SYK: variants seen among roughly 807,000 people sequenced by gnomAD.
SYK encodes the protein spleen associated tyrosine kinase.
A neutral mutation model predicts 77.8 loss-of-function variants in SYK; 16 were observed. The ratio of observed to expected loss-of-function variants is 0.21; its 90% CI spans 0.14 to 0.31. The LOEUF is 0.31. Among genes scored for constraint, SYK ranks in the 10% least tolerant of loss-of-function variants. SYK has a pLI of 1.00. For missense variants in SYK, 529 were observed against 814.4 expected, an observed-to-expected ratio of 0.65 and a Z score of 4.26; for synonymous variants, 312 against 308.7, an observed-to-expected ratio of 1.01 and a Z score of -0.11.
At chr9:90,868,581 G>A (rs543599808) in intron 7 of SYK, among the ~76,000 whole-genome samples, 1 of 152,276 alleles carries the variant, frequency 6.6e-6, no homozygotes, top group East Asian at 1.9e-4. Flanking sequence ...TTATAGTAAA[G>A]CAAATATAAA....
In SYK at chr9:90,844,057, G is replaced by C; in HGVS notation, c.159G>C (p.Leu53=). Residue 53 remains leucine, a synonymous_variant, in exon 2 of 14, where the codon CTG becomes CTC. Transcript: ENST00000375754. The part of the protein sequence containing the change: ...QSRNYLGGFA[L]SVAHGRKAHH... ...GCAACTACCTGGGTGGCTTCGCCCTGTCCGTGGCCCACGGGAGGAAGGCAC... is the reference window on the plus strand; with the variant it reads ...GCAACTACCTGGGTGGCTTCGCCCTCTCCGTGGCCCACGGGAGGAAGGCAC... The C allele has an allele frequency of 6.2e-7, 1 of 1,612,760 alleles. No individual in the cohort carries two copies. The highest frequency in any genetic ancestry group is 8.5e-7 in the Non-Finnish European group (1 of 1,179,282).
rs140490837 is a variant in SYK, at chr9:90,844,045, T to A, written c.147T>A (p.Gly49=). Residue 49 remains glycine, a synonymous_variant, in exon 2 of 14, where the codon GGT becomes GGA. Transcript: ENST00000375754. ...YLLRQSRNYL[G]GFALSVAHGR... is the part of the protein sequence containing the mutation. Reference sequence around the variant, plus strand: ...TGCGCCAGAGCCGCAACTACCTGGGTGGCTTCGCCCTGTCCGTGGCCCACG... The same window carrying A: ...TGCGCCAGAGCCGCAACTACCTGGGAGGCTTCGCCCTGTCCGTGGCCCACG... The A allele has an allele frequency of 1.6e-5, 26 of 1,612,620 alleles. No individual in the cohort carries two copies. The highest frequency in any genetic ancestry group is 8.5e-7 in the Non-Finnish European group (1 of 1,179,296).
At chr9:90,860,799 T>C (rs931479324) in intron 3 of SYK, among the ~76,000 whole-genome samples, 4 of 152,154 alleles carry the variant, frequency 2.6e-5, no homozygotes, top group African/African-American at 4.8e-5. Context: ...AGCATGGCCA[T>C]GTCCAGTTCT....
chr9:90,865,170 A>G, intron 6 of SYK, 73 bp downstream of exon 6: 3 of 1,442,212 alleles, frequency 2.1e-6, no homozygotes, highest in Non-Finnish European at 2.9e-6. Flanking sequence ...TGTTTTAGCT[A>G]ACAGGAGTAG....
At chr9:90,828,028 ACATTTACTGTGTC>A (rs1825717836) in intron 1 of SYK, among the ~76,000 whole-genome samples, 1 of 152,132 alleles carries the variant, frequency 6.6e-6, no homozygotes, top group Non-Finnish European at 1.5e-5. Flanking sequence ...TTCTTAATCC[ACATTTACTGTGTC>A]CTTTTTGCTT....
At chr9:90,875,998 C>A (rs776407642) in intron 9 of SYK, among the ~76,000 whole-genome samples, 1 of 152,030 alleles carries the variant, frequency 6.6e-6, no homozygotes, top group Non-Finnish European at 1.5e-5. Context: ...GACATGCGTG[C>A]TTTCCGGCCG....
chr9:90,875,827 A>C (rs1265854210), intron 9 of SYK, among the ~76,000 whole-genome samples: 1 of 152,128 alleles, frequency 6.6e-6, no homozygotes, highest in East Asian at 1.9e-4. Context: ...AAGTCCTTTG[A>C]AATACACCCT....
chr9:90,890,647 T>TG (rs1237638222), intron 13 of SYK, among the ~76,000 whole-genome samples: 1 of 152,194 alleles, frequency 6.6e-6, no homozygotes, highest in East Asian at 1.9e-4. Context: ...AAGGAAATCA[T>TG]GACAATGGCC....
At chr9:90,826,372 G>C (rs1825666489) in intron 1 of SYK, among the ~76,000 whole-genome samples, 1 of 152,258 alleles carries the variant, frequency 6.6e-6, no homozygotes, top group African/African-American at 2.4e-5. Flanking sequence ...TAGCTGTTTT[G>C]CATTATCCTC....
intron 1 of SYK, among the ~76,000 whole-genome samples, chr9:90,842,350 G>A (rs1354676242): frequency 2.0e-5 from 3 of 150,002 alleles, no homozygotes; most frequent in African/African-American, 7.4e-5. Flanking sequence ...TGATGTGTGT[G>A]GTGTGTGGTG....
chr9:90,866,146 G>C (rs368660037), intron 6 of SYK, among the ~76,000 whole-genome samples: 26 of 152,202 alleles, frequency 1.7e-4, no homozygotes, highest in Middle Eastern at 6.8e-3. Flanking sequence ...TGATCTGCCC[G>C]CCTCGGCCTC....
chr9:90,851,962 A>G (rs1180647344), intron 3 of SYK, among the ~76,000 whole-genome samples: 1 of 152,206 alleles, frequency 6.6e-6, no homozygotes, highest in African/African-American at 2.4e-5. Flanking sequence ...GGTCAATACT[A>G]CAAGCATACA....
intron 1 of SYK, among the ~76,000 whole-genome samples, chr9:90,835,672 G>A (rs1374044690): frequency 1.3e-5 from 2 of 152,176 alleles, no homozygotes; most frequent in East Asian, 3.9e-4. Flanking sequence ...ACATTGGAGT[G>A]AGTTCCCTTC....
intron 7 of SYK, among the ~76,000 whole-genome samples, chr9:90,872,392 G>GA (rs1344275640): frequency 6.6e-6 from 1 of 152,188 alleles, no homozygotes; most frequent in Non-Finnish European, 1.5e-5. Context: ...TGCCTGCAGG[G>GA]AAAATCAAAG....
At chr9:90,880,602 G>A (rs143993317) in intron 11 of SYK, among the ~76,000 whole-genome samples, 10 of 152,298 alleles carry the variant, frequency 6.6e-5, no homozygotes, top group Non-Finnish European at 1.5e-4. Context: ...CTGAAACAAG[G>A]ACACAGAGGA....
At chr9:90,880,170 G>A (rs1313627017) in intron 11 of SYK, among the ~76,000 whole-genome samples, 3 of 152,208 alleles carry the variant, frequency 2.0e-5, no homozygotes, top group Non-Finnish European at 4.4e-5. Flanking sequence ...ACCCCACCCT[G>A]AGTGACAATA....
chr9:90,872,843 A>G (rs1424230448), intron 7 of SYK, among the ~76,000 whole-genome samples: 1 of 152,248 alleles, frequency 6.6e-6, no homozygotes. Flanking sequence ...TTCCGAGTGC[A>G]GTGAATAAAT....
At chr9:90,832,113 C>T (rs2118519473) in intron 1 of SYK, among the ~76,000 whole-genome samples, 1 of 152,190 alleles carries the variant, frequency 6.6e-6, no homozygotes, top group Non-Finnish European at 1.5e-5. Flanking sequence ...AAGTTGTAAC[C>T]AGAGGATCAC....
At position 90,898,100 on chromosome 9, in the gene SYK, G is replaced by A; in HGVS notation, c.*2500G>A. On this transcript the variant is annotated 3_prime_UTR_variant, in exon 14 of 14. Transcript: ENST00000375754. ...CTGGGCTCACTCCATAAGGTAAGGT[G>A]CCTTTTACCTTATGGTCCTTCTTTA... 1 of 228,502 alleles carries A rather than the reference G, an allele frequency of 4.4e-6. No homozygotes were observed. The highest frequency in any genetic ancestry group is 8.7e-6 in the Non-Finnish European group (1 of 115,144). The allele number at this position is 228,502 out of a possible 1,614,324, so 14.2% of individuals were successfully genotyped here. A position where few individuals can be genotyped will look rare whatever the true frequency, so the allele number is the denominator to read the frequency against.
Sources: gnomAD v4.1 joint callset for allele counts (sites outside exome capture counted in the v4.1 genomes callset) on GRCh38, gnomAD v4.1.1 for gene constraint, MANE v1.5 for transcripts, NCBI Gene and HGNC (gene_info 2026-07-23, HGNC 2026-07-21) for gene names.